Variants in FLRT1 observed in about 807,000 individuals in gnomAD.
FLRT1 encodes leucine-rich repeat transmembrane protein FLRT1.
A neutral mutation model predicts 30.9 loss-of-function variants in FLRT1; 14 were observed. The ratio of observed to expected loss-of-function variants is 0.45; its 90% CI spans 0.30 to 0.71. The LOEUF (loss-of-function observed/expected upper bound fraction) is 0.71, where lower values mean the gene tolerates loss of function less well. FLRT1 is among the 30% of genes least tolerant of loss of function. The pLI, the probability that FLRT1 is intolerant of heterozygous loss-of-function variation, is 0.08. For missense variants in FLRT1, 737 were observed against 949.2 expected (o/e 0.78, Z 2.94); for synonymous variants, 368 against 430.4 (o/e 0.85, Z 1.80).
At chr11:64,052,248 C>T (rs1170855433) in intron 1 of FLRT1, among the ~76,000 whole-genome samples, 2 of 151,618 alleles carry the variant, frequency 1.3e-5, no homozygotes, top group Non-Finnish European at 2.9e-5. Flanking sequence ...TAAGCATTGT[C>T]GGGGTGGGGG....
chr11:64,059,951 T>C (rs1308507697), intron 1 of FLRT1, among the ~76,000 whole-genome samples: 2 of 152,070 alleles, frequency 1.3e-5, no homozygotes, highest in African/African-American at 4.8e-5. Context: ...TTGGGGGATG[T>C]TGGGGGGCCG....
intron 1 of FLRT1, among the ~76,000 whole-genome samples, chr11:64,037,418 G>T (rs1943403292): frequency 6.6e-6 from 1 of 152,200 alleles, no homozygotes; most frequent in South Asian, 2.1e-4. Context: ...CGCCAGCCCC[G>T]GGAGGAGAGG....
intron 1 of FLRT1, among the ~76,000 whole-genome samples, chr11:64,091,968 G>A (rs543905320): frequency 1.2e-4 from 19 of 152,276 alleles, no homozygotes; most frequent in Non-Finnish European, 2.4e-4. Flanking sequence ...CGTCACTCTG[G>A]GCTCTCAGGT....
rs570176314 is a variant in FLRT1 at position 64,117,386 on chromosome 11, C to A, written c.1119C>A (p.Ser373Arg). The stretch of plus-strand genomic sequence containing the variant: ...GCATGGCCATCAAGGACATTACCAG[C>A]GAGATGGACGAGTGTTTTGAGACGG... Reference protein sequence around the residue: ...VRGMAIKDITSEMDECFETGP... With the variant: ...VRGMAIKDITREMDECFETGP... Residue 373 changes from serine to arginine, a missense_variant, in exon 3 of 3, where the codon AGC (serine) becomes AGA (arginine). Physicochemically the swap from Ser to Arg is moderately radical, Grantham distance 110. Transcript: ENST00000682287. 9.3e-6 allele frequency: 15 copies of A among 1,611,988 alleles called. No individual in the cohort carries two copies. In the African/African-American group the frequency reaches 1.7e-4, roughly 19 times the overall value.
chr11:64,098,021 C>A (rs1272075736), intron 1 of FLRT1, among the ~76,000 whole-genome samples: 1 of 152,176 alleles, frequency 6.6e-6, no homozygotes, highest in African/African-American at 2.4e-5. Flanking sequence ...TCCCTTCAAC[C>A]CCTCACTGTA....
Position 64,117,244 on chromosome 11 carries a change from G to A in FLRT1, c.977G>A (p.Arg326Lys), listed in dbSNP as rs149882049. 1.0e-4 allele frequency: 168 copies of A among 1,614,200 alleles called. No individual in the cohort carries two copies. The African/African-American group carries it at 1.9e-3, about 18-fold the overall frequency. Residue 326 changes from arginine to lysine, a missense_variant, in exon 3 of 3, where the codon AGG (arginine) becomes AAG (lysine). Physicochemically the swap from Arg to Lys is conservative, Grantham distance 26 (BLOSUM62 2). Transcript: ENST00000682287. ...GGGAACCTGGCCCAGCTGCTGCTCA[G>A]GAACAACCCTTGGTTTTGTGGCTGC... ...DLGNLAQLLL[R>K]NNPWFCGCNL...
rs547886224 is a variant in FLRT1 at position 64,038,476 on chromosome 11, C to T, written c.-1038+2317C>T. 2.7e-4 allele frequency among the ~76,000 whole-genome samples: 41 copies of T among 152,260 alleles called. No homozygotes were observed. In the South Asian group the frequency reaches 6.0e-3, roughly 22 times the overall value. ...AGGGCTCCAGGTGGCCTTGACCCTGCGGGTGTTGAGGGACGGAGAGGTGGG... is the reference window on the plus strand; with the variant it reads ...AGGGCTCCAGGTGGCCTTGACCCTGTGGGTGTTGAGGGACGGAGAGGTGGG... On this transcript the variant is annotated intron_variant, in intron 1 of 2. Coordinates refer to ENST00000682287, the MANE Select transcript of FLRT1 (RefSeq NM_013280.5).
rs1180099143 is a variant in FLRT1 at position 64,046,897 on chromosome 11, T to C, written c.-1038+10738T>C. ...CTCTAGCCAGATACTGCCGGACATT[T>C]TAAAACACTTGAATTCAGTCAAGTC... On this transcript the variant is annotated intron_variant, in intron 1 of 2. Transcript: ENST00000682287. Among the ~76,000 whole-genome samples, 4 of 152,280 alleles carry C rather than the reference T, an allele frequency of 2.6e-5. No individual in the cohort carries two copies. In the South Asian group the frequency reaches 8.3e-4, roughly 32 times the overall value.
intron 1 of FLRT1, among the ~76,000 whole-genome samples, chr11:64,047,878 CAA>C (rs1164497769): frequency 1.7e-5 from 2 of 117,006 alleles, no homozygotes; most frequent in Admixed American, 1.0e-4. Flanking sequence ...GCCTGGGTGA[CAA>C]GAGTGAAACT....
At chr11:64,098,148 T>G (rs1016301340) in intron 1 of FLRT1, among the ~76,000 whole-genome samples, 1 of 152,106 alleles carries the variant, frequency 6.6e-6, no homozygotes, top group Non-Finnish European at 1.5e-5. Context: ...GCGAGAACAC[T>G]CTTTCTAAAC....
intron 1 of FLRT1, among the ~76,000 whole-genome samples, chr11:64,086,637 T>C (rs1944400263): frequency 6.6e-6 from 1 of 152,168 alleles, no homozygotes; most frequent in African/African-American, 2.4e-5. Context: ...GCCCCACTTC[T>C]GTCTGAGACT....
chr11:64,041,495 G>A lies in FLRT1; in HGVS notation c.-1038+5336G>A, dbSNP rs544606224. Among the ~76,000 whole-genome samples, 495 of 152,128 alleles carry A rather than the reference G, an allele frequency of 3.3e-3. 3 individuals are homozygous for A. The highest frequency in any genetic ancestry group is 0.011 in the African/African-American group (469 of 41,494). ...GCTCAGGGGAGTGAGGAGGGTGCCC[G>A]GGGCTGCTCTGGAGGGTGTGTTGGG... On this transcript the variant is annotated intron_variant, in intron 1 of 2. Transcript: ENST00000682287.
chr11:64,073,600 C>T (rs1343844840), intron 1 of FLRT1, among the ~76,000 whole-genome samples: 4 of 152,228 alleles, frequency 2.6e-5, no homozygotes, highest in East Asian at 3.9e-4. Flanking sequence ...GGCCCAGGTA[C>T]GGCAGGTGCA....
chr11:64,107,483 C>A (rs1366439117), intron 2 of FLRT1, among the ~76,000 whole-genome samples: 1 of 152,238 alleles, frequency 6.6e-6, no homozygotes, highest in Non-Finnish European at 1.5e-5. Flanking sequence ...CCGCCTGGCA[C>A]CAGCGCCACC....
chr11:64,072,056 C>G (rs967460998), intron 1 of FLRT1, among the ~76,000 whole-genome samples: 5 of 151,644 alleles, frequency 3.3e-5, no homozygotes, highest in African/African-American at 1.2e-4. Context: ...TAAATCCTCC[C>G]GGCAGACAAG....
chr11:64,108,067 A>G (rs1337751672), intron 2 of FLRT1, among the ~76,000 whole-genome samples: 1 of 152,196 alleles, frequency 6.6e-6, no homozygotes, highest in African/African-American at 2.4e-5. Context: ...TAATCCCAGC[A>G]CTTTGGGAGG....
At chr11:64,060,937 CGCG>C (rs544654619) in intron 1 of FLRT1, among the ~76,000 whole-genome samples, 6 of 151,368 alleles carry the variant, frequency 4.0e-5, no homozygotes, top group Admixed American at 6.6e-5. Context: ...GCATGCGCAC[CGCG>C]GCGGCGGCGG....
intron 1 of FLRT1, among the ~76,000 whole-genome samples, chr11:64,089,180 G>A (rs977118327): frequency 2.0e-5 from 3 of 152,190 alleles, no homozygotes; most frequent in African/African-American, 7.2e-5. Flanking sequence ...GTCGGGGAGT[G>A]ATCTGACGGG....
intron 1 of FLRT1, chr11:64,083,088 CA>C (rs35720856): frequency 0.51 from 77,247 of 152,174 alleles, 23,557 homozygotes; most frequent in Non-Finnish European, 0.68. Flanking sequence ...AACTGAGGCT[CA>C]GGGGGGCAAA....
Sources: allele counts gnomAD v4.1 joint callset (sites outside exome capture counted in the v4.1 genomes callset), GRCh38; gene constraint gnomAD v4.1.1; transcripts MANE v1.5; gene names NCBI Gene and HGNC (gene_info 2026-07-23, HGNC 2026-07-21).